Variants in DMXL2 observed in about 807,000 individuals in gnomAD.
The protein encoded by DMXL2 is dmX-like protein 2.
A neutral mutation model predicts 331.1 loss-of-function variants in DMXL2; 103 were observed. The observed-to-expected ratio is 0.31, with a 90% CI of 0.27 to 0.37. The LOEUF (loss-of-function observed/expected upper bound fraction) is 0.37, where lower values mean the gene tolerates loss of function less well. Ranked by LOEUF, DMXL2 falls within the 10% of genes least tolerant of loss-of-function variation. DMXL2 has a pLI of 1.00. For missense variants in DMXL2, 3,171 were observed against 3,642.9 expected (o/e 0.87, Z 3.33); for synonymous variants, 1,281 against 1,252.1 (o/e 1.02, Z -0.49).
At chr15:51,580,002 C>T (rs1453117004) in intron 1 of DMXL2, among the ~76,000 whole-genome samples, 1 of 152,152 alleles carries the variant, frequency 6.6e-6, no homozygotes, top group Non-Finnish European at 1.5e-5. Context: ...AGTAAAGTTC[C>T]TGCTCTTTCC....
chr15:51,559,326 T>C (rs951234413), intron 6 of DMXL2, among the ~76,000 whole-genome samples: 3 of 152,236 alleles, frequency 2.0e-5, no homozygotes, highest in Admixed American at 6.5e-5. Flanking sequence ...GCAAGGAACT[T>C]GCCCAGTTAC....
intron 1 of DMXL2, among the ~76,000 whole-genome samples, chr15:51,586,421 C>T (rs1473185159): frequency 2.6e-5 from 4 of 151,908 alleles, no homozygotes; most frequent in Non-Finnish European, 5.9e-5. Context: ...CAGAAGAAAA[C>T]TTAAGAAAAC....
chr15:51,586,983 T>TGAAA (rs2051882347), intron 1 of DMXL2, among the ~76,000 whole-genome samples: 1 of 144,340 alleles, frequency 6.9e-6, no homozygotes, highest in Non-Finnish European at 1.5e-5. Context: ...CAAAAATCTC[T>TGAAA]AAAAAAAAAA....
intron 1 of DMXL2, among the ~76,000 whole-genome samples, chr15:51,588,161 GTTT>G (rs200523115): frequency 7.1e-6 from 1 of 141,402 alleles, no homozygotes. Flanking sequence ...TTGTTTAGGG[GTTT>G]TTTTTTTTTT....
At chr15:51,521,458 A>T (rs867156863) in intron 13 of DMXL2, among the ~76,000 whole-genome samples, 6 of 146,588 alleles carry the variant, frequency 4.1e-5, no homozygotes, top group Admixed American at 3.4e-4. Flanking sequence ...TAGTAGTAGT[A>T]GTAGTGGTAG....
At chr15:51,540,583 G>A (rs1195039964) in intron 9 of DMXL2, among the ~76,000 whole-genome samples, 1 of 151,638 alleles carries the variant, frequency 6.6e-6, no homozygotes, top group African/African-American at 2.4e-5. Context: ...CTCGGTAAGT[G>A]GTATATGGAT....
chr15:51,563,584 A>C (rs541317087), intron 5 of DMXL2, 137 bp from the exon 6 acceptor site: 3 of 522,010 alleles, frequency 5.7e-6, no homozygotes, highest in South Asian at 6.9e-5. Context: ...TAAAAATATA[A>C]ATAAAATATT....
intron 12 of DMXL2, 77 bp from the exon 13 acceptor site, chr15:51,535,861 G>C: frequency 6.8e-7 from 1 of 1,463,034 alleles, no homozygotes. Context: ...TAAGAAACAA[G>C]TATTCACATT....
rs754854565 is a variant in DMXL2 at position 51,537,729 on chromosome 15, C to T, written c.1376G>A (p.Gly459Asp). The change falls in exon 11 of 44, where the codon GGT becomes GAT. Residue 459 changes from glycine (G) to aspartate (D), a missense_variant. Physicochemically the swap from Gly to Asp is moderately conservative, Grantham distance 94. Coordinates refer to ENST00000560891, the MANE Select transcript of DMXL2 (RefSeq NM_001378457.1). ...ATCTTCATGTTCTGATGATCCTGTA[C>T]CTGCCTCAGATTCTCTATCCAGGGA... ...DLSLDRESEA[G>D]TGSSEHEDGE... 1 of 1,613,432 alleles carries T rather than the reference C, an allele frequency of 6.2e-7. No individual in the cohort carries two copies. The highest frequency in any genetic ancestry group is 8.5e-7 in the Non-Finnish European group (1 of 1,179,722).
chr15:51,544,894 C>G (rs1042416238), intron 8 of DMXL2, among the ~76,000 whole-genome samples: 3 of 151,914 alleles, frequency 2.0e-5, no homozygotes, highest in Non-Finnish European at 2.9e-5. Context: ...AAAACAGCCA[C>G]AAGAAAAATA....
chr15:51,534,330 G>C (rs2048166410), intron 13 of DMXL2, among the ~76,000 whole-genome samples: 2 of 152,186 alleles, frequency 1.3e-5, no homozygotes, highest in Admixed American at 1.3e-4. Flanking sequence ...GATTTGGCCT[G>C]AGGTAGTAAG....
intron 43 of DMXL2, 59 bp downstream of exon 43, chr15:51,450,070 T>C: frequency 6.8e-7 from 1 of 1,468,142 alleles, no homozygotes; most frequent in Non-Finnish European, 9.4e-7. Flanking sequence ...ATGTGGAGTT[T>C]TTGTTTTTTC....
chr15:51,604,892 G>A (rs1465403606), intron 1 of DMXL2, among the ~76,000 whole-genome samples: 1 of 152,178 alleles, frequency 6.6e-6, no homozygotes, highest in African/African-American at 2.4e-5. Context: ...AAAGGATAGA[G>A]ACATAGATCA....
intron 5 of DMXL2, 95 bp from the exon 6 acceptor site, chr15:51,563,542 G>A: frequency 1.4e-6 from 1 of 713,874 alleles, no homozygotes. Context: ...ATCAAAGTCA[G>A]AATCCTCAGA....
chr15:51,603,862 C>T (rs1035163069), intron 1 of DMXL2, among the ~76,000 whole-genome samples: 5 of 149,748 alleles, frequency 3.3e-5, no homozygotes, highest in Non-Finnish European at 5.9e-5. Context: ...AGTGAGACTC[C>T]GTCTGAAAAA....
intron 34 of DMXL2, chr15:51,459,137 G>T (rs541302027): frequency 6.8e-5 from 16 of 234,504 alleles, no homozygotes; most frequent in African/African-American, 3.4e-4. Flanking sequence ...ATAAGAATGT[G>T]TATACATTAA....
intron 6 of DMXL2, among the ~76,000 whole-genome samples, chr15:51,552,190 G>A (rs2049264718): frequency 6.6e-6 from 1 of 152,220 alleles, no homozygotes; most frequent in Non-Finnish European, 1.5e-5. Flanking sequence ...TCATACAGCA[G>A]AGCCTCACAG....
chr15:51,571,933 G>C (rs900924028), intron 2 of DMXL2, among the ~76,000 whole-genome samples: 1 of 152,084 alleles, frequency 6.6e-6, no homozygotes, highest in African/African-American at 2.4e-5. Flanking sequence ...AAATAACTAA[G>C]ATCAGAGCAG....
At chr15:51,485,234 T>C (rs1239468818) in intron 23 of DMXL2, among the ~76,000 whole-genome samples, 1 of 152,168 alleles carries the variant, frequency 6.6e-6, no homozygotes, top group Non-Finnish European at 1.5e-5. Flanking sequence ...GAGATAGGCA[T>C]CTAGGTCCAG....
Sources: gnomAD v4.1 joint callset for allele counts (sites outside exome capture counted in the v4.1 genomes callset) on GRCh38, gnomAD v4.1.1 for gene constraint, MANE v1.5 for transcripts, NCBI Gene and HGNC (gene_info 2026-07-23, HGNC 2026-07-21) for gene names.